CAMSAP3: variants seen among roughly 807,000 people sequenced by gnomAD.
CAMSAP3 encodes calmodulin-regulated spectrin-associated protein 3.
Under a neutral mutation model 112.5 loss-of-function variants are expected in CAMSAP3, and 34 were observed. The ratio of observed to expected loss-of-function variants is 0.30; its 90% CI spans 0.23 to 0.40. The LOEUF (loss-of-function observed/expected upper bound fraction) is 0.40, where lower values mean the gene tolerates loss of function less well. CAMSAP3 is among the 10% of genes least tolerant of loss of function. The pLI is 1.00. For synonymous variants in CAMSAP3, 868 were observed against 799.8 expected (o/e 1.09, Z -1.44); for missense variants, 1,602 against 1,770.3 (o/e 0.90, Z 1.71).
At chr19:7,613,189 GGGTCCT>G (rs1216028369) in intron 11 of CAMSAP3, 26 bp downstream of exon 11, 1 of 1,428,112 alleles carries the variant, frequency 7.0e-7, no homozygotes, top group Non-Finnish European at 9.4e-7. Context: ...GGTGGCTGGA[GGGTCCT>G]GGGCCTGGGG....
In CAMSAP3 at chr19:7,608,121, T is replaced by C; in HGVS notation, c.622-5T>C. 1.2e-6 allele frequency: 2 copies of C among 1,610,006 alleles called. No homozygotes were observed. Among genetic ancestry groups the C allele is most frequent in the Non-Finnish European group, 1.7e-6 (2 of 1,178,950 alleles). On this transcript the variant is annotated splice_polypyrimidine_tract_variant and splice_region_variant and intron_variant, in intron 4 of 16. Coordinates refer to ENST00000160298, the MANE Select transcript of CAMSAP3 (RefSeq NM_020902.2). ...CCACTCACCTGACCTGGCTCCCATC[T>C]GCAGATCCGATACCGCAAGGACCGT...
intron 4 of CAMSAP3, 46 bp downstream of exon 4, chr19:7,606,617 T>G: frequency 6.6e-7 from 1 of 1,521,200 alleles, no homozygotes; most frequent in Non-Finnish European, 8.8e-7. Flanking sequence ...GGACCGGAGA[T>G]CTGGGAGGGC....
chr19:7,611,302 A>C lies in CAMSAP3; in HGVS notation c.1123+134A>C. ...GATCCCCCTTGGGCATCCCAAAGTG[A>C]CCCCCAGAATGGCCTCCCCAGTGGC... is the stretch of plus-strand genomic sequence containing the variant. On this transcript the variant is annotated intron_variant, in intron 9 of 16. Coordinates refer to ENST00000160298, the MANE Select transcript of CAMSAP3 (RefSeq NM_020902.2). This position sits in a 1 kb window ranked among gnomAD's most constrained non-coding sequence, Gnocchi z 6.9. The C allele has an allele frequency of 1.0e-6, 1 of 966,988 alleles. No homozygotes were observed. Among genetic ancestry groups the C allele is most frequent in the Non-Finnish European group, 1.6e-6 (1 of 637,738 alleles). 59.9% of individuals were successfully genotyped at this position (966,988 alleles called of 1,614,324 possible).
chr19:7,602,330 G>A (rs1443167588), intron 1 of CAMSAP3, among the ~76,000 whole-genome samples: 1 of 152,158 alleles, frequency 6.6e-6, no homozygotes, highest in Non-Finnish European at 1.5e-5. Flanking sequence ...GAAGAACATC[G>A]GTGTATAATA....
intron 5 of CAMSAP3, among the ~76,000 whole-genome samples, chr19:7,609,335 A>G (rs1233479803): frequency 6.7e-6 from 1 of 149,014 alleles, no homozygotes; most frequent in Admixed American, 6.8e-5. Flanking sequence ...AAAAAAAAAA[A>G]GTATAAAATA....
intron 1 of CAMSAP3, among the ~76,000 whole-genome samples, chr19:7,598,193 G>T (rs1052558901): frequency 6.6e-6 from 1 of 152,174 alleles, no homozygotes; most frequent in Non-Finnish European, 1.5e-5. Flanking sequence ...ATCTTCCAGG[G>T]AGGGAAGAGA....
At chr19:7,616,767 C>A (rs2030813769) in intron 14 of CAMSAP3, 145 bp downstream of exon 14, 3 of 630,472 alleles carry the variant, frequency 4.8e-6, no homozygotes, top group Admixed American at 2.3e-5. Context: ...CGCGTGTGGG[C>A]ACGTGTGCAT....
intron 5 of CAMSAP3, among the ~76,000 whole-genome samples, chr19:7,609,692 A>C (rs189023208): frequency 6.6e-6 from 1 of 152,178 alleles, no homozygotes. Context: ...ACAACTCATC[A>C]TCATGGGGAA....
At chr19:7,606,223 C>T (rs1460038685) in intron 2 of CAMSAP3, 48 bp from the exon 3 acceptor site, 1 of 1,353,204 alleles carries the variant, frequency 7.4e-7, no homozygotes, top group Non-Finnish European at 9.8e-7. Flanking sequence ...GGCCGAGGTG[C>T]GCCTCCTGCA....
chr19:7,615,341 G>T lies in CAMSAP3; in HGVS notation c.2810+19G>T. 1 of 1,537,410 alleles carries T rather than the reference G, an allele frequency of 6.5e-7. No individual in the cohort carries two copies. On this transcript the variant is annotated intron_variant, in intron 12 of 16. Coordinates refer to ENST00000160298, the MANE Select transcript of CAMSAP3 (RefSeq NM_020902.2). The surrounding 1 kb of genome is among the most constrained non-coding windows in gnomAD (Gnocchi z 6.5). ...CCGCGAGGTGAGGCCGGGCCTGCCC[G>T]GGACGCCCGCTCCTTGGCCTGTCTG...
At position 7,612,379 on chromosome 19, in the gene CAMSAP3, G is replaced by A. The variant is rs772585276; in HGVS notation, c.1886G>A (p.Arg629His). Residue 629 changes from arginine (R) to histidine (H), a missense_variant, in exon 11 of 17, where the codon CGC becomes CAC. Coordinates refer to ENST00000160298, the MANE Select transcript of CAMSAP3 (RefSeq NM_020902.2). Reference sequence around the variant, plus strand: ...ATTGAGGCCATATTCGCCAAGCACCGCCAGCGGCTGGGCAAAAGCGCCTTC... The same window carrying A: ...ATTGAGGCCATATTCGCCAAGCACCACCAGCGGCTGGGCAAAAGCGCCTTC... ...RRIEAIFAKH[R>H]QRLGKSAFLQ... is the part of the protein sequence containing the mutation. The A allele has an allele frequency of 1.9e-6, 3 of 1,598,474 alleles. No homozygotes were observed. The highest frequency in any genetic ancestry group is 2.2e-5 in the South Asian group (2 of 89,432).
At position 7,615,313 on chromosome 19, in the gene CAMSAP3, A is replaced by C. The variant is rs1028840855; in HGVS notation, c.2801A>C (p.Glu934Ala). Residue 934 changes from glutamate to alanine, a missense_variant, in exon 12 of 17, where the codon GAG becomes GCG. Coordinates refer to ENST00000160298, the MANE Select transcript of CAMSAP3 (RefSeq NM_020902.2). This position sits in a 1 kb window ranked among gnomAD's most constrained non-coding sequence, Gnocchi z 6.5. ...GTGGAGAAGGAACAGCGGAGGGAGG[A>C]GGCCGCGAGGTGAGGCCGGGCCTGC... Reference protein sequence around the residue: ...QEVEKEQRREEAARLAQEEAP... With the variant: ...QEVEKEQRREAAARLAQEEAP... 5.2e-6 allele frequency: 8 copies of C among 1,545,254 alleles called. No homozygotes were observed. Among genetic ancestry groups the C allele is most frequent in the Non-Finnish European group, 7.0e-6 (8 of 1,143,748 alleles).
At position 7,612,083 on chromosome 19, in the gene CAMSAP3, T is replaced by C. The variant is rs763664785; in HGVS notation, c.1590T>C (p.Ser530=). The C allele has an allele frequency of 6.2e-7, 1 of 1,608,324 alleles. No individual in the cohort carries two copies. The highest frequency in any genetic ancestry group is 1.3e-5 in the African/African-American group (1 of 74,708). The change falls in exon 11 of 17, where the codon TCT becomes TCC. Residue 530 remains serine (S), a synonymous_variant. Transcript: ENST00000160298. ...MPHPETPSKP[S]PCLVGEASKP... ...ACCCCGAGACCCCCTCGAAACCATC[T>C]CCCTGTCTGGTGGGGGAGGCATCGA...
chr19:7,615,326 A>G lies in CAMSAP3; in HGVS notation c.2810+4A>G, dbSNP rs1333490858. On this transcript the variant is annotated splice_donor_region_variant and intron_variant, in intron 12 of 16. Transcript: ENST00000160298. The surrounding 1 kb of genome is among the most constrained non-coding windows in gnomAD (Gnocchi z 6.5). ...AGCGGAGGGAGGAGGCCGCGAGGTGAGGCCGGGCCTGCCCGGGACGCCCGC... is the reference window on the plus strand; with the variant it reads ...AGCGGAGGGAGGAGGCCGCGAGGTGGGGCCGGGCCTGCCCGGGACGCCCGC... 1.9e-6 allele frequency: 3 copies of G among 1,542,190 alleles called. No homozygotes were observed. In the Admixed American group the frequency reaches 5.9e-5, roughly 30 times the overall value.
At chr19:7,605,167 T>TGTG in intron 1 of CAMSAP3, 59 bp from the exon 2 acceptor site, 1 of 1,147,530 alleles carries the variant, frequency 8.7e-7, no homozygotes, top group South Asian at 1.5e-5. Context: ...TGTGTGTGTG[T>TGTG]GTGTGTGTGT....
At chr19:7,603,569 G>T (rs1243797699) in intron 1 of CAMSAP3, among the ~76,000 whole-genome samples, 2 of 152,080 alleles carry the variant, frequency 1.3e-5, no homozygotes, top group Non-Finnish European at 2.9e-5. Flanking sequence ...AAACAAGTCT[G>T]GGCACAGTGG....
Position 7,617,384 on chromosome 19 carries a change from G to A in CAMSAP3, c.3271G>A (p.Asp1091Asn), listed in dbSNP as rs2030864946. 6.2e-7 allele frequency: 1 copy of A among 1,614,102 alleles called. No individual in the cohort carries two copies. Among genetic ancestry groups the A allele is most frequent in the Non-Finnish European group, 8.5e-7 (1 of 1,180,008 alleles). ...CCGCCTGCCTGGAAGCCGCGAACGG[G>A]ACTGGGAAAATGGCAGCAATGCCTC... The part of the protein sequence containing the change: ...PSRLPGSRER[D>N]WENGSNASSP... Residue 1091 changes from aspartate to asparagine, a missense_variant, in exon 15 of 17, where the codon GAC becomes AAC. Asp to Asn is a conservative substitution (Grantham distance 23). Transcript: ENST00000160298. The surrounding 1 kb of genome is among the most constrained non-coding windows in gnomAD (Gnocchi z 7.5).
At position 7,612,878 on chromosome 19, in the gene CAMSAP3, C is replaced by T. The variant is rs760951410; in HGVS notation, c.2385C>T (p.Thr795=). The T allele has an allele frequency of 6.8e-6, 11 of 1,606,312 alleles. No individual in the cohort carries two copies. Among genetic ancestry groups the T allele is most frequent in the East Asian group, 6.7e-5 (3 of 44,496 alleles). The stretch of plus-strand genomic sequence containing the variant: ...CGGAGCTGCGGCTGGCACCCTTGAC[C>T]AGGGTGCTTACGCCACCCCACGACG... ...RPAELRLAPL[T]RVLTPPHDVD... Residue 795 remains threonine, a synonymous_variant, in exon 11 of 17, where the codon ACC becomes ACT. Coordinates refer to ENST00000160298, the MANE Select transcript of CAMSAP3 (RefSeq NM_020902.2).
intron 1 of CAMSAP3, among the ~76,000 whole-genome samples, chr19:7,602,809 G>A (rs1031735742): frequency 2.3e-4 from 35 of 151,914 alleles, no homozygotes; most frequent in African/African-American, 2.4e-5. Flanking sequence ...GGAAGAAGGA[G>A]GCACTGGGCA....
Sources: gnomAD v4.1 joint callset for allele counts (sites outside exome capture counted in the v4.1 genomes callset) on GRCh38, gnomAD v4.1.1 for gene constraint, Gnocchi (gnomAD v3.1) non-coding constraint, MANE v1.5 for transcripts, NCBI Gene and HGNC (gene_info 2026-07-23, HGNC 2026-07-21) for gene names.